Variants in ZYX observed in about 807,000 individuals in gnomAD.
ZYX encodes zyxin-2.
A neutral mutation model predicts 58.1 loss-of-function variants in ZYX; 37 were observed. The observed-to-expected ratio is 0.64, with a 90% CI of 0.49 to 0.84. ZYX has a LOEUF of 0.84. ZYX is among the 40% of genes least tolerant of loss of function. The probability of loss-of-function intolerance (pLI) is 0.00; values close to 1 mark genes in which losing one functional copy is unlikely to be tolerated. For synonymous variants in ZYX, 324 were observed against 321.1 expected, an observed-to-expected ratio of 1.01 and a Z score of -0.10; for missense variants, 762 against 761.6, an observed-to-expected ratio of 1.00 and a Z score of -0.01.
Position 143,390,668 on chromosome 7 carries a change from A to G in ZYX, c.1705A>G (p.Arg569Gly), listed in dbSNP as rs1234259878. The change falls in exon 10 of 10, where the codon AGA becomes GGA. Residue 569 changes from arginine (R) to glycine (G), a missense_variant. Physicochemically the swap from Arg to Gly is moderately radical, Grantham distance 125. Coordinates refer to ENST00000322764, the MANE Select transcript of ZYX (RefSeq NM_003461.5). This position sits in a 1 kb window ranked among gnomAD's most constrained non-coding sequence, Gnocchi z 4.3. ...GCTCTGTCGGAAGTGCCACACTGCTAGAGCCCAGACCTGAGTGAGGACAGG... is the reference window on the plus strand; with the variant it reads ...GCTCTGTCGGAAGTGCCACACTGCTGGAGCCCAGACCTGAGTGAGGACAGG... Reference protein sequence around the residue: ...HVLCRKCHTARAQT With the variant: ...HVLCRKCHTAGAQT 6.3e-7 allele frequency: 1 copy of G among 1,581,178 alleles called. No individual in the cohort carries two copies. Among genetic ancestry groups the G allele is most frequent in the Admixed American group, 1.8e-5 (1 of 54,886 alleles).
chr7:143,388,712 G>A lies in ZYX; in HGVS notation c.1314+54G>A. ...GGCTGTGCTGGGCAGTCGGGCCCTG[G>A]AAGCTTGCTGTGGGGTGCCGGTTCC... On this transcript the variant is annotated intron_variant, in intron 7 of 9. Transcript: ENST00000322764. This position sits in a 1 kb window ranked among gnomAD's most constrained non-coding sequence, Gnocchi z 7.5. The A allele has an allele frequency of 6.2e-7, 1 of 1,609,164 alleles. No individual in the cohort carries two copies. The highest frequency in any genetic ancestry group is 1.3e-5 in the African/African-American group (1 of 74,364).
At position 143,388,296 on chromosome 7, in the gene ZYX, G is replaced by T; in HGVS notation, c.1101G>T (p.Met367Ile). 1 of 1,613,848 alleles carries T rather than the reference G, an allele frequency of 6.2e-7. No individual in the cohort carries two copies. The highest frequency in any genetic ancestry group is 1.1e-5 in the South Asian group (1 of 91,082). ...TGGAGCAGCTGACCCAGCAGCTAAT[G>T]CAGGACATGGAGCATCCTCAGAGGC... ...EELEQLTQQL[M>I]QDMEHPQRQN... The change falls in exon 6 of 10, where the codon ATG (methionine) becomes ATT (isoleucine). Residue 367 changes from methionine to isoleucine, a missense_variant. Coordinates refer to ENST00000322764, the MANE Select transcript of ZYX (RefSeq NM_003461.5). The surrounding 1 kb of genome is among the most constrained non-coding windows in gnomAD (Gnocchi z 7.5).
chr7:143,382,789 C>T lies in ZYX; in HGVS notation c.502-12C>T, dbSNP rs1439985859. The T allele has an allele frequency of 5.6e-6, 9 of 1,607,312 alleles. No individual in the cohort carries two copies. The highest frequency in any genetic ancestry group is 1.3e-5 in the African/African-American group (1 of 74,806). On this transcript the variant is annotated splice_polypyrimidine_tract_variant and intron_variant, in intron 4 of 9. Coordinates refer to ENST00000322764, the MANE Select transcript of ZYX (RefSeq NM_003461.5). ...CTGACTGCATCTCTCTTCCCTCTCC[C>T]ACCCCTTGCAGGTGTCATCTGGATA...
Position 143,383,029 on chromosome 7 carries a change from C to A in ZYX, c.730C>A (p.Pro244Thr). Residue 244 changes from proline (P) to threonine (T), a missense_variant, in exon 5 of 10, where the codon CCT becomes ACT. Transcript: ENST00000322764. The stretch of plus-strand genomic sequence containing the variant: ...ACTCCATGTCCAGTCCCAGACCCAG[C>A]CTGTGTCTTTGGCTAACACCCAGCC... Reference protein sequence around the residue: ...VQLHVQSQTQPVSLANTQPRG... With the variant: ...VQLHVQSQTQTVSLANTQPRG... The A allele has an allele frequency of 1.2e-6, 2 of 1,614,062 alleles. No individual in the cohort carries two copies. Among genetic ancestry groups the A allele is most frequent in the Non-Finnish European group, 1.7e-6 (2 of 1,179,946 alleles).
rs768080249 is a variant in ZYX at position 143,382,400 on chromosome 7, C to G, written c.361C>G (p.Pro121Ala). ...GATCTTCCCTTCCCCGCCGCCTCCT[C>G]CGGAGGAGGAGGGAGGGCCTGAGGC... ...EEIFPSPPPPPEEEGGPEAPI... is the reference protein window; with the variant it reads ...EEIFPSPPPPAEEEGGPEAPI... The change falls in exon 3 of 10, where the codon CCG (proline) becomes GCG (alanine). Residue 121 changes from proline (P) to alanine (A), a missense_variant. Physicochemically the swap from Pro to Ala is conservative, Grantham distance 27. Transcript: ENST00000322764. 7.6e-6 allele frequency: 12 copies of G among 1,580,244 alleles called. No individual in the cohort carries two copies. Among genetic ancestry groups the G allele is most frequent in the Middle Eastern group, 1.7e-4 (1 of 5,882 alleles).
chr7:143,381,552 C>T lies in ZYX; in HGVS notation c.-15-5C>T, dbSNP rs2116546281. The T allele has an allele frequency of 1.9e-6, 3 of 1,605,862 alleles. No individual in the cohort carries two copies. Among genetic ancestry groups the T allele is most frequent in the Admixed American group, 1.7e-5 (1 of 59,562 alleles). ...CGCGCTGCGTAACCCGGCGACCCAC[C>T]CCAGCAGCCCGGCCCGGCCATGGCG... is the stretch of plus-strand genomic sequence containing the variant. On this transcript the variant is annotated splice_region_variant and splice_polypyrimidine_tract_variant and intron_variant, in intron 1 of 9. Coordinates refer to ENST00000322764, the MANE Select transcript of ZYX (RefSeq NM_003461.5).
intron 5 of ZYX, among the ~76,000 whole-genome samples, chr7:143,386,449 G>A (rs1010195226): frequency 1.3e-5 from 2 of 152,106 alleles, no homozygotes; most frequent in African/African-American, 4.8e-5. Context: ...GGTCTGGAAC[G>A]GCTGCTGTGG....
In ZYX at chr7:143,388,219, G is replaced by T. The variant is rs780115151; in HGVS notation, c.1024G>T (p.Val342Leu). 4 of 1,600,372 alleles carry T rather than the reference G, an allele frequency of 2.5e-6. No homozygotes were observed. Among genetic ancestry groups the T allele is most frequent in the Non-Finnish European group, 3.4e-6 (4 of 1,173,334 alleles). The stretch of plus-strand genomic sequence containing the variant: ...TGTGAGGAAAATGTTGGGATTGCAG[G>T]TGCGCTCCCCTGGGGCCCCAGGGCC... ...VPPPAQNQNQ[V>L]RSPGAPGPLT... The change falls in exon 6 of 10, where the codon GTG becomes TTG. Residue 342 changes from valine (V) to leucine (L), a missense_variant and splice_region_variant. By Grantham distance (32) the Val-to-Leu change is conservative (BLOSUM62 1). Transcript: ENST00000322764. The surrounding 1 kb of genome is among the most constrained non-coding windows in gnomAD (Gnocchi z 7.5).
chr7:143,388,847 G>T lies in ZYX; in HGVS notation c.1395G>T (p.Pro465=), dbSNP rs758472576. The stretch of plus-strand genomic sequence containing the variant: ...GGGCCACGGGCAAGGCCTATCACCC[G>T]CACTGCTTCACCTGTGTGGTCTGCG... ...MLRATGKAYH[P]HCFTCVVCAR... is the part of the protein sequence containing the mutation. Residue 465 remains proline, a synonymous_variant, in exon 8 of 10, where the codon CCG becomes CCT. Coordinates refer to ENST00000322764, the MANE Select transcript of ZYX (RefSeq NM_003461.5). This position sits in a 1 kb window ranked among gnomAD's most constrained non-coding sequence, Gnocchi z 7.5. 3.1e-6 allele frequency: 5 copies of T among 1,613,976 alleles called. No homozygotes were observed. Among genetic ancestry groups the T allele is most frequent in the South Asian group, 1.1e-5 (1 of 91,064 alleles).
In ZYX at chr7:143,381,733, C is replaced by T; in HGVS notation, c.162C>T (p.Arg54=). The T allele has an allele frequency of 3.8e-6, 6 of 1,598,754 alleles. No individual in the cohort carries two copies. Among genetic ancestry groups the T allele is most frequent in the Non-Finnish European group, 5.1e-6 (6 of 1,173,352 alleles). ...CTCCCCCGGCACCCGGGGCCCAGCG[C>T]GCACAGATGGGCCGGGTGGGCGAGA... is the stretch of plus-strand genomic sequence containing the variant. ...SEPPPAPGAQ[R]AQMGRVGEIP... is the part of the protein sequence containing the mutation. The change falls in exon 2 of 10, where the codon CGC becomes CGT. Residue 54 remains arginine, a synonymous_variant. Coordinates refer to ENST00000322764, the MANE Select transcript of ZYX (RefSeq NM_003461.5).
chr7:143,387,933 C>G lies in ZYX; in HGVS notation c.1024-286C>G. Reference sequence around the variant, plus strand: ...AGCTGCTGTGTGCGTGGCCTCCGTCCGCCCAGTCATTCTGGCCTGTCTGTG... The same window carrying G: ...AGCTGCTGTGTGCGTGGCCTCCGTCGGCCCAGTCATTCTGGCCTGTCTGTG... On this transcript the variant is annotated intron_variant, in intron 5 of 9. Coordinates refer to ENST00000322764, the MANE Select transcript of ZYX (RefSeq NM_003461.5). The surrounding 1 kb of genome is among the most constrained non-coding windows in gnomAD (Gnocchi z 5.8). 1.8e-6 allele frequency: 1 copy of G among 542,804 alleles called. No homozygotes were observed. Among genetic ancestry groups the G allele is most frequent in the South Asian group, 1.6e-5 (1 of 63,830 alleles). 33.6% of individuals were successfully genotyped at this position (542,804 alleles called of 1,614,324 possible).
chr7:143,388,778 G>T lies in ZYX; in HGVS notation c.1326G>T (p.Glu442Asp). 6.2e-7 allele frequency: 1 copy of T among 1,613,710 alleles called. No homozygotes were observed. The highest frequency in any genetic ancestry group is 8.5e-7 in the Non-Finnish European group (1 of 1,179,778). The change falls in exon 8 of 10, where the codon GAG becomes GAT. Residue 442 changes from glutamate to aspartate, a missense_variant. By Grantham distance (45) the Glu-to-Asp change is conservative. Coordinates refer to ENST00000322764, the MANE Select transcript of ZYX (RefSeq NM_003461.5). The surrounding 1 kb of genome is among the most constrained non-coding windows in gnomAD (Gnocchi z 7.5). ...YCEGCYTDTL[E>D]KCNTCGEPIT... Reference sequence around the variant, plus strand: ...TGCTGCCTCCTCAGGACACCCTGGAGAAGTGTAACACCTGCGGGGAGCCCA... The same window carrying T: ...TGCTGCCTCCTCAGGACACCCTGGATAAGTGTAACACCTGCGGGGAGCCCA...
chr7:143,382,109 TGCGCCC>T, intron 2 of ZYX, 133 bp from the exon 3 acceptor site: 1 of 652,950 alleles, frequency 1.5e-6, no homozygotes, highest in East Asian at 5.2e-5. Context: ...CAGGGCGCCC[TGCGCCC>T]CTCCTTTGCT....
At position 143,387,841 on chromosome 7, in the gene ZYX, G is replaced by A. The variant is rs1273583179; in HGVS notation, c.1024-378G>A. On this transcript the variant is annotated intron_variant, in intron 5 of 9. Coordinates refer to ENST00000322764, the MANE Select transcript of ZYX (RefSeq NM_003461.5). This position sits in a 1 kb window ranked among gnomAD's most constrained non-coding sequence, Gnocchi z 5.8. Reference sequence around the variant, plus strand: ...CATTGCGTGCCCCTGTCCCATGGGGGCGATGTCCGAGCATGCTCTGTGGAG... The same window carrying A: ...CATTGCGTGCCCCTGTCCCATGGGGACGATGTCCGAGCATGCTCTGTGGAG... 4.1e-6 allele frequency: 2 copies of A among 482,802 alleles called. No homozygotes were observed. The highest frequency in any genetic ancestry group is 2.0e-5 in the African/African-American group (1 of 50,634). 29.9% of individuals were successfully genotyped at this position (482,802 alleles called of 1,614,324 possible). A position where few individuals can be genotyped will look rare whatever the true frequency, so the allele number is the denominator to read the frequency against.
At chr7:143,386,051 A>C (rs1409075021) in intron 5 of ZYX, among the ~76,000 whole-genome samples, 1 of 144,568 alleles carries the variant, frequency 6.9e-6, no homozygotes, top group Non-Finnish European at 1.5e-5. Flanking sequence ...TGAGTGGTGT[A>C]TGTGTGTGGT....
In ZYX at chr7:143,389,905, G is replaced by T. The variant is rs761963512; in HGVS notation, c.1542G>T (p.Glu514Asp). 1 of 1,614,184 alleles carries T rather than the reference G, an allele frequency of 6.2e-7. No individual in the cohort carries two copies. Among genetic ancestry groups the T allele is most frequent in the Non-Finnish European group, 8.5e-7 (1 of 1,180,024 alleles). Residue 514 changes from glutamate to aspartate, a missense_variant, in exon 9 of 10, where the codon GAG (glutamate) becomes GAT (aspartate). Physicochemically the swap from Glu to Asp is conservative, Grantham distance 45. Transcript: ENST00000322764. The surrounding 1 kb of genome is among the most constrained non-coding windows in gnomAD (Gnocchi z 5.6). ...TCTGCTCTGAGCCCATCATGCCTGA[G>T]CCTGGCCGAGATGAGACTGTGCGAG... ...CSVCSEPIMP[E>D]PGRDETVRVV... is the part of the protein sequence containing the mutation.
At position 143,387,428 on chromosome 7, in the gene ZYX, C is replaced by T. The variant is rs1053395201; in HGVS notation, c.1024-791C>T. ...AGAAAAGACCCACCCAGTGCACTTG[C>T]TCCTGTGGGCGTGTCTCCCGGCAGT... On this transcript the variant is annotated intron_variant, in intron 5 of 9. Coordinates refer to ENST00000322764, the MANE Select transcript of ZYX (RefSeq NM_003461.5). This position sits in a 1 kb window ranked among gnomAD's most constrained non-coding sequence, Gnocchi z 5.8. 2.0e-5 allele frequency among the ~76,000 whole-genome samples: 3 copies of T among 152,176 alleles called. No homozygotes were observed. The highest frequency in any genetic ancestry group is 4.4e-5 in the Non-Finnish European group (3 of 68,018).
Position 143,382,589 on chromosome 7 carries a change from C to G in ZYX, c.409-4C>G, listed in dbSNP as rs1563106318. ...AATAGGTGCTCTGACCTCTGACCCT[C>G]TAGCCCAGGGAGAAGGTGAGCAGTA... On this transcript the variant is annotated splice_region_variant and splice_polypyrimidine_tract_variant and intron_variant, in intron 3 of 9. Transcript: ENST00000322764. 6.2e-7 allele frequency: 1 copy of G among 1,613,998 alleles called. No individual in the cohort carries two copies.
Position 143,390,081 on chromosome 7 carries a change from G to A in ZYX, c.1614+104G>A, listed in dbSNP as rs1805015012. 2.0e-6 allele frequency: 3 copies of A among 1,523,104 alleles called. No homozygotes were observed. Among genetic ancestry groups the A allele is most frequent in the African/African-American group, 1.4e-5 (1 of 73,128 alleles). The allele number at this position is 1,523,104 out of a possible 1,614,324, so 94.3% of individuals were successfully genotyped here. ...GAAAGCACCAGCATTCAGGAAACAG[G>A]GCTGTGATTTTGAGGGTGGCTCATG... On this transcript the variant is annotated intron_variant, in intron 9 of 9. Coordinates refer to ENST00000322764, the MANE Select transcript of ZYX (RefSeq NM_003461.5). This position sits in a 1 kb window ranked among gnomAD's most constrained non-coding sequence, Gnocchi z 4.3.
Sources: gnomAD v4.1 joint callset for allele counts (sites outside exome capture counted in the v4.1 genomes callset) on GRCh38, gnomAD v4.1.1 for gene constraint, Gnocchi (gnomAD v3.1) non-coding constraint, MANE v1.5 for transcripts, NCBI Gene and HGNC (gene_info 2026-07-23, HGNC 2026-07-21) for gene names.